The following CAPN13 variants were observed in gnomAD, a reference collection of about 807,000 sequenced individuals.
CAPN13 encodes calpain 13.
CAPN13 carries 90 observed loss-of-function variants against 98.4 expected under a neutral mutation model. The observed-to-expected ratio is 0.92, with a 90% CI of 0.77 to 1.09. The LOEUF is 1.09. Ranked by LOEUF, CAPN13 falls within the 50% of genes least tolerant of loss-of-function variation. The pLI is 0.00. For synonymous variants in CAPN13, 330 were observed against 305.5 expected (o/e 1.08, Z -0.84); for missense variants, 887 against 841.3 (o/e 1.05, Z -0.67).
At chr2:30,802,199 T>C (rs1302341126) in intron 1 of CAPN13, among the ~76,000 whole-genome samples, 1 of 151,980 alleles carries the variant, frequency 6.6e-6, no homozygotes, top group East Asian at 1.9e-4. Context: ...AATCCAGTAG[T>C]ACCAGTGGCC....
In CAPN13 at chr2:30,801,604, TAA is replaced by T. The variant is rs10609363; in HGVS notation, c.-33+5696_-33+5697del. ...TGGGTGATAGAGGGAGACTCAGTCT[TAA>T]AAAAAAAAAAAAAAAAAAAAAGAAG... On this transcript the variant is annotated intron_variant, in intron 1 of 22. Transcript: ENST00000295055. Among the ~76,000 whole-genome samples, 519 of 79,936 alleles carry T rather than the reference TAA, an allele frequency of 6.5e-3. 1 individual carries two copies. The highest frequency in any genetic ancestry group is 0.021 in the African/African-American group (483 of 23,054). 52.4% of individuals were successfully genotyped at this position (79,936 alleles called of 152,430 possible).
chr2:30,767,843 C>T (rs1673187753), intron 5 of CAPN13, among the ~76,000 whole-genome samples: 2 of 152,148 alleles, frequency 1.3e-5, no homozygotes, highest in Non-Finnish European at 2.9e-5. Context: ...ACCTCTAGGG[C>T]CCAGGACTGC....
chr2:30,774,185 A>G (rs1412498996), intron 4 of CAPN13, among the ~76,000 whole-genome samples: 2 of 152,104 alleles, frequency 1.3e-5, no homozygotes, highest in African/African-American at 2.4e-5. Flanking sequence ...ATGGATACAC[A>G]CCTCAGAGGA....
In CAPN13 at chr2:30,738,585, C is replaced by T. The variant is rs1572793029; in HGVS notation, c.1537-128G>A. On this transcript the variant is annotated intron_variant, in intron 15 of 22. Transcript: ENST00000295055. ...CCCCACAATGTACCCATCTTGCCCT[C>T]GTCATGAAGACTTACCTGATGGCTG... 5.1e-6 allele frequency: 5 copies of T among 978,442 alleles called. No homozygotes were observed. In the Admixed American group the frequency reaches 6.1e-5, roughly 12 times the overall value. 60.6% of individuals were successfully genotyped at this position (978,442 alleles called of 1,614,324 possible). A position where few individuals can be genotyped will look rare whatever the true frequency, so the allele number is the denominator to read the frequency against.
At chr2:30,745,782 A>T in intron 11 of CAPN13, 48 bp from the exon 12 acceptor site, 1 of 1,572,234 alleles carries the variant, frequency 6.4e-7, no homozygotes, top group Non-Finnish European at 8.6e-7. Flanking sequence ...AGACGTAAAC[A>T]AAAAGGCAAG....
intron 1 of CAPN13, among the ~76,000 whole-genome samples, chr2:30,798,589 A>T (rs1349798968): frequency 2.0e-5 from 3 of 152,222 alleles, no homozygotes; most frequent in Non-Finnish European, 4.4e-5. Flanking sequence ...GTTTTCAATC[A>T]GCTAAGAAAC....
intron 4 of CAPN13, among the ~76,000 whole-genome samples, chr2:30,773,714 T>G (rs1346922961): frequency 2.0e-5 from 3 of 152,186 alleles, no homozygotes; most frequent in Non-Finnish European, 4.4e-5. Flanking sequence ...CCAGAGCACC[T>G]GAAAGCATAA....
chr2:30,753,078 C>T lies in CAPN13; in HGVS notation c.1062G>A (p.Lys354=), dbSNP rs183453601. 5 of 1,614,000 alleles carry T rather than the reference C, an allele frequency of 3.1e-6. No homozygotes were observed. In the East Asian group the frequency reaches 1.1e-4, roughly 36 times the overall value. ...CTGCAGTGTTTCCTAGAATCACTTG[C>T]TTCCTAAACATTATTTGGGACCATC... ...HEGWSQIMFR[K]QVILGNTAGG... Residue 354 remains lysine (K), a synonymous_variant, in exon 10 of 23, where the codon AAG becomes AAA. Coordinates refer to ENST00000295055, the MANE Select transcript of CAPN13 (RefSeq NM_144575.3).
At chr2:30,732,161 C>T (rs551802399) in intron 20 of CAPN13, among the ~76,000 whole-genome samples, 4 of 152,278 alleles carry the variant, frequency 2.6e-5, no homozygotes, top group African/African-American at 9.6e-5. Flanking sequence ...ATAAACACAA[C>T]CTGGAGACGG....
chr2:30,728,936 A>T (rs903809839), intron 22 of CAPN13, among the ~76,000 whole-genome samples: 7 of 152,340 alleles, frequency 4.6e-5, no homozygotes, highest in Admixed American at 2.0e-4. Flanking sequence ...TTTGGTTGCA[A>T]TGAGAGGAAA....
intron 1 of CAPN13, among the ~76,000 whole-genome samples, chr2:30,798,617 G>T (rs1465726827): frequency 6.6e-6 from 1 of 152,202 alleles, no homozygotes; most frequent in South Asian, 2.1e-4. Context: ...TGCATTCAAT[G>T]GTTTCCTGCC....
chr2:30,763,054 A>C (rs757650066), intron 7 of CAPN13, 28 bp downstream of exon 7: 7 of 1,581,374 alleles, frequency 4.4e-6, no homozygotes, highest in Non-Finnish European at 4.3e-6. Flanking sequence ...GCCAGGGGAG[A>C]GCTGGACAGG....
intron 7 of CAPN13, among the ~76,000 whole-genome samples, chr2:30,759,616 C>T (rs17041372): frequency 6.6e-6 from 1 of 152,040 alleles, no homozygotes. Flanking sequence ...CGCAGGTGGA[C>T]GCAGGGCTCA....
rs1457708198 is a variant in CAPN13, at chr2:30,730,628, T to C, written c.*30+102A>G. 17 of 679,576 alleles carry C rather than the reference T, an allele frequency of 2.5e-5. No individual in the cohort carries two copies. The Admixed American group carries it at 2.5e-4, about 10-fold the overall frequency. The allele number at this position is 679,576 out of a possible 1,614,324, so 42.1% of individuals were successfully genotyped here. ...CACTTATGTAAGGGTCTGTCATCCC[T>C]GGGGAGGCTCTCCCAAGGAGAGAGT... On this transcript the variant is annotated intron_variant, in intron 22 of 22. Coordinates refer to ENST00000295055, the MANE Select transcript of CAPN13 (RefSeq NM_144575.3).
rs370249872 is a variant in CAPN13 at position 30,751,120 on chromosome 2, C to T, written c.1219G>A (p.Asp407Asn). ...LKAEDAKFPL[D>N]FQVILAGSQR... The stretch of plus-strand genomic sequence containing the variant: ...TGCCTTACCAGAATCACTTGGAAAT[C>T]GAGTGGAAATTTTGCATCTTCTGCT... Residue 407 changes from aspartate (D) to asparagine (N), a missense_variant, in exon 11 of 23, where the codon GAT (aspartate) becomes AAT (asparagine). By Grantham distance (23) the Asp-to-Asn change is conservative. Transcript: ENST00000295055. 66 of 1,613,552 alleles carry T rather than the reference C, an allele frequency of 4.1e-5. No individual in the cohort carries two copies. In the African/African-American group the frequency reaches 6.1e-4, roughly 15 times the overall value.
At chr2:30,779,401 C>T (rs770794806) in intron 2 of CAPN13, among the ~76,000 whole-genome samples, 8 of 152,196 alleles carry the variant, frequency 5.3e-5, no homozygotes, top group Non-Finnish European at 8.8e-5. Context: ...AATCTAATGA[C>T]GATGCAATCA....
chr2:30,802,625 G>C (rs963435772), intron 1 of CAPN13, among the ~76,000 whole-genome samples: 1 of 151,970 alleles, frequency 6.6e-6, no homozygotes, highest in Non-Finnish European at 1.5e-5. Flanking sequence ...TAAGAAACGG[G>C]GAGAGCCAGA....
chr2:30,749,799 T>C (rs2147986071), intron 11 of CAPN13, among the ~76,000 whole-genome samples: 1 of 152,268 alleles, frequency 6.6e-6, no homozygotes, highest in South Asian at 2.1e-4. Context: ...GCAAAGAAGC[T>C]GTGCGGTGTA....
intron 7 of CAPN13, among the ~76,000 whole-genome samples, chr2:30,760,767 T>G (rs1415762395): frequency 2.0e-5 from 3 of 152,176 alleles, no homozygotes; most frequent in Non-Finnish European, 2.9e-5. Flanking sequence ...CTATTGGCGC[T>G]CGCATGGGCC....
Sources: allele counts gnomAD v4.1 joint callset (sites outside exome capture counted in the v4.1 genomes callset), GRCh38; gene constraint gnomAD v4.1.1; transcripts MANE v1.5; gene names NCBI Gene and HGNC (gene_info 2026-07-23, HGNC 2026-07-21).